The following MYO16 variants were observed in gnomAD, a reference collection of about 807,000 sequenced individuals.
The protein encoded by MYO16 is unconventional myosin-XVI.
In MYO16, 94 loss-of-function variants were observed where a neutral mutation model predicts 205.3. The ratio of observed to expected loss-of-function variants is 0.46; its 90% CI spans 0.39 to 0.54. The LOEUF is 0.54. Ranked by LOEUF, MYO16 falls within the 20% of genes least tolerant of loss-of-function variation. MYO16 has a pLI of 0.00. For synonymous variants in MYO16, 988 were observed against 954.0 expected (o/e 1.04, Z -0.66); for missense variants, 2,315 against 2,387.5 (o/e 0.97, Z 0.63).
At chr13:109,023,546 ATAT>A (rs1158524173) in intron 23 of MYO16, among the ~76,000 whole-genome samples, 1 of 123,206 alleles carries the variant, frequency 8.1e-6, no homozygotes, top group African/African-American at 3.1e-5. Flanking sequence ...ATATATAGGT[ATAT>A]ATTTATTATA....
intron 4 of MYO16, among the ~76,000 whole-genome samples, chr13:108,769,634 G>A (rs1295581751): frequency 3.3e-5 from 5 of 152,196 alleles, no homozygotes; most frequent in East Asian, 1.9e-4. Context: ...TTAAGCAACC[G>A]CTAGAGCAAT....
Position 108,991,054 on chromosome 13 carries a change from G to A in MYO16, c.2370-1322G>A, listed in dbSNP as rs146786758. Among the ~76,000 whole-genome samples, 311 of 152,294 alleles carry A rather than the reference G, an allele frequency of 2.0e-3. 3 individuals are homozygous for A. The highest frequency in any genetic ancestry group is 3.7e-3 in the Non-Finnish European group (254 of 68,030). On this transcript the variant is annotated intron_variant, in intron 20 of 34. Transcript: ENST00000457511. ...CAGTGTACCCATAGCGTACCCATTGGCAGAAAATTACGACAGCAGTTGTCC... is the reference window on the plus strand; with the variant it reads ...CAGTGTACCCATAGCGTACCCATTGACAGAAAATTACGACAGCAGTTGTCC...
chr13:109,118,523 C>T (rs1049551973), intron 28 of MYO16, among the ~76,000 whole-genome samples: 4 of 152,176 alleles, frequency 2.6e-5, no homozygotes, highest in African/African-American at 9.7e-5. Context: ...CCCTAATGAT[C>T]ATTATTGATC....
intron 9 of MYO16, 35 bp from the exon 10 acceptor site, chr13:108,844,308 G>C: frequency 6.4e-7 from 1 of 1,569,358 alleles, no homozygotes; most frequent in Non-Finnish European, 8.7e-7. Flanking sequence ...ACATTAGAAA[G>C]AGACTAATTG....
At chr13:109,194,741 G>T (rs1880073675) in intron 34 of MYO16, among the ~76,000 whole-genome samples, 1 of 152,106 alleles carries the variant, frequency 6.6e-6, no homozygotes, top group Non-Finnish European at 1.5e-5. Context: ...CTTTCTCAAA[G>T]CATATGGGCT....
intron 15 of MYO16, among the ~76,000 whole-genome samples, chr13:108,899,998 C>A (rs1048021318): frequency 1.3e-5 from 2 of 152,148 alleles, no homozygotes; most frequent in African/African-American, 2.4e-5. Flanking sequence ...CGTGTTTATG[C>A]ACAACTAGTG....
At chr13:108,504,494 T>A in the MYO16 span, among the ~76,000 whole-genome samples, 1 of 151,908 alleles carries the variant, frequency 6.6e-6, no homozygotes, top group Non-Finnish European at 1.5e-5. Context: ...ACTCTGTATT[T>A]CCCTTATAAC....
chr13:108,629,648 T>C lies in MYO16; in HGVS notation c.-197T>C, dbSNP rs986524443. ...TCAAGACCCACCGGGGAGAGGCTTA[T>C]CTTAACTCCAGCTGCCGAATGAGAA... On this transcript the variant is annotated 5_prime_UTR_variant, in exon 1 of 35. Transcript: ENST00000457511. 5 of 532,652 alleles carry C rather than the reference T, an allele frequency of 9.4e-6. No homozygotes were observed. The highest frequency in any genetic ancestry group is 1.7e-5 in the Non-Finnish European group (5 of 297,162). 33.0% of individuals were successfully genotyped at this position (532,652 alleles called of 1,614,324 possible).
At chr13:108,582,345 A>G in the MYO16 span, among the ~76,000 whole-genome samples, 297 of 152,226 alleles carry the variant, frequency 2.0e-3, 2 homozygotes, top group African/African-American at 6.4e-3. Context: ...TTCCACATGT[A>G]TGAGTTCAGT....
intron 4 of MYO16, among the ~76,000 whole-genome samples, chr13:108,769,218 G>A (rs1275121672): frequency 2.6e-5 from 4 of 152,142 alleles, no homozygotes; most frequent in Admixed American, 6.5e-5. Flanking sequence ...GCCCTTGGAC[G>A]AGTGGCTCTA....
At chr13:108,738,213 T>C (rs1884774114) in intron 4 of MYO16, among the ~76,000 whole-genome samples, 1 of 152,210 alleles carries the variant, frequency 6.6e-6, no homozygotes, top group African/African-American at 2.4e-5. Context: ...TCTAGTTCTT[T>C]TAATTGAGAT....
intron 11 of MYO16, among the ~76,000 whole-genome samples, chr13:108,862,179 C>T (rs539818271): frequency 3.4e-4 from 51 of 152,180 alleles, no homozygotes; most frequent in Admixed American, 5.2e-4. Context: ...TCTGAAATGC[C>T]AAACATCTAT....
At chr13:108,830,856 T>A (rs967549862) in intron 9 of MYO16, among the ~76,000 whole-genome samples, 2 of 152,212 alleles carry the variant, frequency 1.3e-5, no homozygotes, top group African/African-American at 4.8e-5. Context: ...AGTGAACAAT[T>A]TATGTAGCTA....
At chr13:108,684,413 G>A (rs1038042040) in intron 2 of MYO16, among the ~76,000 whole-genome samples, 1 of 152,192 alleles carries the variant, frequency 6.6e-6, no homozygotes, top group Non-Finnish European at 1.5e-5. Flanking sequence ...AGGAAAGGGG[G>A]TATGTGCTAT....
intron 20 of MYO16, among the ~76,000 whole-genome samples, chr13:108,965,921 A>C (rs1162517494): frequency 3.9e-5 from 6 of 152,204 alleles, no homozygotes; most frequent in Non-Finnish European, 7.3e-5. Context: ...TAGACTTCTT[A>C]AATTTAAATT....
chr13:108,572,247 C>G, the MYO16 span, among the ~76,000 whole-genome samples: 1 of 152,078 alleles, frequency 6.6e-6, no homozygotes, highest in African/African-American at 2.4e-5. Context: ...ATTTTACTAC[C>G]TTTTTTCTTA....
intron 1 of MYO16, among the ~76,000 whole-genome samples, chr13:108,638,265 C>T (rs1880348125): frequency 6.6e-6 from 1 of 152,076 alleles, no homozygotes; most frequent in Non-Finnish European, 1.5e-5. Flanking sequence ...GCCAGAGAAT[C>T]TAGGCTGTCA....
the MYO16 span, among the ~76,000 whole-genome samples, chr13:108,541,015 A>G: frequency 6.6e-6 from 1 of 152,130 alleles, no homozygotes; most frequent in Non-Finnish European, 1.5e-5. Flanking sequence ...TGACATAAAT[A>G]TTGGGACGGA....
the MYO16 span, among the ~76,000 whole-genome samples, chr13:108,510,461 G>GTTTTTTGTTTTTTTTTTTTTTTT: frequency 2.2e-5 from 1 of 45,924 alleles, no homozygotes; most frequent in Non-Finnish European, 3.7e-5. Flanking sequence ...ATTGATAGCT[G>GTTTTTTGTTTTTTTTTTTTTTTT]TTTTTTTTTT....
Sources: allele counts gnomAD v4.1 joint callset (sites outside exome capture counted in the v4.1 genomes callset), GRCh38; gene constraint gnomAD v4.1.1; transcripts MANE v1.5; gene names NCBI Gene and HGNC (gene_info 2026-07-23, HGNC 2026-07-21).